The following CELF1 variants were observed in gnomAD, a reference collection of about 807,000 sequenced individuals.
CELF1 encodes the protein CUGBP Elav-like family member 1, also known as 50 kDa nuclear polyadenylated RNA-binding protein.
Under a neutral mutation model 61.8 loss-of-function variants are expected in CELF1, and 10 were observed. The observed-to-expected ratio is 0.16, with a 90% confidence interval of 0.10 to 0.27. The LOEUF is 0.27. Among genes scored for constraint, CELF1 ranks in the 10% least tolerant of loss-of-function variants. CELF1 has a pLI of 1.00. For synonymous variants in CELF1, 236 were observed against 225.1 expected (o/e 1.05, Z -0.43); for missense variants, 380 against 639.1 (o/e 0.59, Z 4.37).
intron 2 of CELF1, among the ~76,000 whole-genome samples, chr11:47,563,414 G>A (rs1199717029): frequency 6.6e-6 from 1 of 152,126 alleles, no homozygotes; most frequent in Non-Finnish European, 1.5e-5. Flanking sequence ...GGCTGGGTGC[G>A]GTGGCTCATG....
At chr11:47,476,430 T>C (rs571216670) in intron 12 of CELF1, among the ~76,000 whole-genome samples, 160 of 152,178 alleles carry the variant, frequency 1.1e-3, no homozygotes, top group African/African-American at 3.5e-3. Context: ...GATTTAAAAA[T>C]CCCATGCTTT....
upstream of CELF1, among the ~76,000 whole-genome samples, chr11:47,554,763 G>A (rs1232074580): frequency 6.6e-6 from 1 of 151,090 alleles, no homozygotes; most frequent in Non-Finnish European, 1.5e-5. Flanking sequence ...CCAGGTTCAA[G>A]CAATTCTCCT....
At chr11:47,479,928 A>G (rs1037249649) in intron 9 of CELF1, among the ~76,000 whole-genome samples, 1 of 151,968 alleles carries the variant, frequency 6.6e-6, no homozygotes, top group African/African-American at 2.4e-5. Flanking sequence ...GAAAAAATGC[A>G]CCTATACACC....
At chr11:47,473,064 G>A in intron 14 of CELF1, 24 bp downstream of exon 14, 1 of 1,610,556 alleles carries the variant, frequency 6.2e-7, no homozygotes, top group Non-Finnish European at 8.5e-7. Flanking sequence ...ATCCCATCCT[G>A]ACACCAGAGA....
chr11:47,529,064 C>T (rs1264502433), intron 1 of CELF1, among the ~76,000 whole-genome samples: 2 of 151,640 alleles, frequency 1.3e-5, no homozygotes, highest in Non-Finnish European at 1.5e-5. Context: ...GCCACCTCAC[C>T]CAGTTTATTT....
intron 3 of CELF1, chr11:47,495,930 T>A: frequency 1.0e-6 from 1 of 971,686 alleles, no homozygotes; most frequent in Non-Finnish European, 1.2e-6. Flanking sequence ...AAAGAAAAAA[T>A]TCAGATACTT....
chr11:47,469,372 G>T lies in CELF1; in HGVS notation c.*2858C>A, dbSNP rs1032955619. On this transcript the variant is annotated 3_prime_UTR_variant, in exon 15 of 15. Coordinates refer to ENST00000687097, the MANE Select transcript of CELF1 (RefSeq NM_001376376.1). The stretch of plus-strand genomic sequence containing the variant: ...TCCATCCAGGCCCTGGCCACTCAAG[G>T]GGAACCCAGGAGACAGTGGTCTGGC... 1 of 152,210 alleles carries T rather than the reference G, an allele frequency of 6.6e-6. No homozygotes were observed. The highest frequency in any genetic ancestry group is 2.4e-5 in the African/African-American group (1 of 41,442). 9.4% of individuals were successfully genotyped at this position (152,210 alleles called of 1,614,324 possible). A position where few individuals can be genotyped will look rare whatever the true frequency, so the allele number is the denominator to read the frequency against.
intron 3 of CELF1, among the ~76,000 whole-genome samples, chr11:47,491,973 G>A (rs1276681678): frequency 6.6e-6 from 1 of 152,096 alleles, no homozygotes; most frequent in Non-Finnish European, 1.5e-5. Context: ...ATTGCCACAG[G>A]ATTAATACGC....
At chr11:47,497,273 G>A (rs1187640278) in intron 3 of CELF1, among the ~76,000 whole-genome samples, 1 of 152,206 alleles carries the variant, frequency 6.6e-6, no homozygotes, top group African/African-American at 2.4e-5. Context: ...GTCCCCTTAA[G>A]CAATGGGAGA....
chr11:47,490,564 T>C (rs901145706), intron 3 of CELF1, among the ~76,000 whole-genome samples: 4 of 151,858 alleles, frequency 2.6e-5, no homozygotes, highest in Non-Finnish European at 5.9e-5. Context: ...GTAGCTAGGA[T>C]TGAAGGCATG....
intron 1 of CELF1, among the ~76,000 whole-genome samples, chr11:47,552,265 G>A (rs1379736365): frequency 6.6e-6 from 1 of 152,192 alleles, no homozygotes; most frequent in Non-Finnish European, 1.5e-5. Context: ...GCTCCTTGGT[G>A]CATGTGTAAT....
rs191893396 is a variant in CELF1, at chr11:47,527,216, T to C, written c.-154+25776A>G. Among the ~76,000 whole-genome samples, 13 of 151,482 alleles carry C rather than the reference T, an allele frequency of 8.6e-5. No individual in the cohort carries two copies. In the East Asian group the frequency reaches 2.6e-3, roughly 30 times the overall value. On this transcript the variant is annotated intron_variant, in intron 1 of 14. Coordinates refer to ENST00000687097, the MANE Select transcript of CELF1 (RefSeq NM_001376376.1). ...TCTTAACACTAAACATAAGGAGACC[T>C]CATCTCTACAGAAAGAAGTAAAAAA...
chr11:47,484,623 G>C (rs1348243873), intron 6 of CELF1, 100 bp from the exon 7 acceptor site: 1 of 937,726 alleles, frequency 1.1e-6, no homozygotes, highest in Non-Finnish European at 1.6e-6. Context: ...TCCTGGCTCT[G>C]TACCATATTT....
At chr11:47,541,964 T>C (rs995118759) in intron 1 of CELF1, among the ~76,000 whole-genome samples, 6 of 152,152 alleles carry the variant, frequency 3.9e-5, no homozygotes, top group African/African-American at 1.4e-4. Flanking sequence ...ACAGTTTTAA[T>C]GGAGTTATAA....
intron 1 of CELF1, among the ~76,000 whole-genome samples, chr11:47,548,621 T>G (rs545477528): frequency 1.5e-4 from 23 of 152,090 alleles, no homozygotes; most frequent in Admixed American, 1.2e-3. Flanking sequence ...ATCCCAGTAC[T>G]TTGGGAGGTC....
intron 1 of CELF1, among the ~76,000 whole-genome samples, chr11:47,542,080 C>T (rs1221850979): frequency 1.3e-5 from 2 of 152,070 alleles, no homozygotes; most frequent in Non-Finnish European, 2.9e-5. Context: ...CTTTCTAAAG[C>T]CGTACTGGGC....
At position 47,472,701 on chromosome 11, in the gene CELF1, C is replaced by T. The variant is rs185201829; in HGVS notation, c.1418-344G>A. Among the ~76,000 whole-genome samples, 76 of 152,192 alleles carry T rather than the reference C, an allele frequency of 5.0e-4. 1 individual carries two copies. Among genetic ancestry groups the T allele is most frequent in the Non-Finnish European group, 8.8e-5 (6 of 68,002 alleles). On this transcript the variant is annotated intron_variant, in intron 14 of 14. Transcript: ENST00000687097. ...TCAAGTAGCTGGGAACACAGGTACA[C>T]GCCACCACGTCTGACTAATTTTTTG... is the stretch of plus-strand genomic sequence containing the variant.
intron 9 of CELF1, among the ~76,000 whole-genome samples, chr11:47,481,993 G>A (rs2083524144): frequency 1.3e-5 from 2 of 152,060 alleles, no homozygotes; most frequent in African/African-American, 2.4e-5. Flanking sequence ...ACCTGAGGTC[G>A]TGAGTTCGAG....
chr11:47,499,976 C>A (rs2093694811), intron 2 of CELF1, among the ~76,000 whole-genome samples: 1 of 152,208 alleles, frequency 6.6e-6, no homozygotes, highest in African/African-American at 2.4e-5. Context: ...CAAGAAAAGG[C>A]TCACCGAAGA....
Sources: allele counts gnomAD v4.1 joint callset (sites outside exome capture counted in the v4.1 genomes callset), GRCh38; gene constraint gnomAD v4.1.1; transcripts MANE v1.5; gene names NCBI Gene and HGNC (gene_info 2026-07-23, HGNC 2026-07-21).